The following PTPRD variants were observed in gnomAD, a reference collection of about 807,000 sequenced individuals.
PTPRD encodes the protein protein tyrosine phosphatase receptor type D, also known as receptor-type tyrosine-protein phosphatase delta.
A neutral mutation model predicts 214.5 loss-of-function variants in PTPRD; 34 were observed. The observed-to-expected ratio is 0.16, with a 90% CI of 0.12 to 0.21. The LOEUF (loss-of-function observed/expected upper bound fraction) is 0.21. Among genes scored for constraint, PTPRD ranks in the 10% least tolerant of loss-of-function variants. PTPRD has a pLI of 1.00. For synonymous variants in PTPRD, 1,128 were observed against 845.7 expected, an observed-to-expected ratio of 1.33 and a Z score of -5.79; for missense variants, 2,545 against 2,398.7, an observed-to-expected ratio of 1.06 and a Z score of -1.27.
At chr9:9,262,910 C>T (rs896707877) in intron 9 of PTPRD, among the ~76,000 whole-genome samples, 2 of 151,576 alleles carry the variant, frequency 1.3e-5, no homozygotes, top group Non-Finnish European at 3.0e-5. Flanking sequence ...ATTCATCTTA[C>T]TTAGAGTTCC....
At chr9:9,849,192 G>T (rs984734762) in intron 5 of PTPRD, among the ~76,000 whole-genome samples, 1 of 151,864 alleles carries the variant, frequency 6.6e-6, no homozygotes, top group African/African-American at 2.4e-5. Context: ...TGGTTCCCTG[G>T]GCTACTCACA....
At chr9:9,498,445 A>C (rs2096279083) in intron 8 of PTPRD, among the ~76,000 whole-genome samples, 1 of 152,130 alleles carries the variant, frequency 6.6e-6, no homozygotes, top group Non-Finnish European at 1.5e-5. Context: ...TTTAGATTTG[A>C]TAAATTATCA....
chr9:9,684,048 T>C (rs1005099474), intron 7 of PTPRD, among the ~76,000 whole-genome samples: 3 of 151,616 alleles, frequency 2.0e-5, no homozygotes, highest in African/African-American at 7.3e-5. Context: ...GGGAACTGTT[T>C]TCACAATTTT....
chr9:9,584,903 A>AT (rs1306203935), intron 7 of PTPRD, among the ~76,000 whole-genome samples: 4 of 151,558 alleles, frequency 2.6e-5, no homozygotes, highest in Admixed American at 1.3e-4. Flanking sequence ...GATTTGCAAC[A>AT]TTTTTTTTCA....
At chr9:9,765,558 C>G (rs1297142499) in intron 6 of PTPRD, among the ~76,000 whole-genome samples, 1 of 152,114 alleles carries the variant, frequency 6.6e-6, no homozygotes, top group Non-Finnish European at 1.5e-5. Context: ...TTAGAGAAAC[C>G]CTTGTCAGAC....
chr9:9,496,834 A>G (rs1231928006), intron 8 of PTPRD, among the ~76,000 whole-genome samples: 1 of 152,224 alleles, frequency 6.6e-6, no homozygotes, highest in Non-Finnish European at 1.5e-5. Context: ...CAGTAGCTAA[A>G]ATGTGGCAGC....
intron 2 of PTPRD, among the ~76,000 whole-genome samples, chr9:10,342,487 G>A (rs963757549): frequency 6.6e-6 from 1 of 151,860 alleles, no homozygotes; most frequent in African/African-American, 2.4e-5. Flanking sequence ...AATCTTTGTA[G>A]CAATAGAAAA....
chr9:8,580,559 A>G (rs764005547), intron 14 of PTPRD, among the ~76,000 whole-genome samples: 3 of 152,204 alleles, frequency 2.0e-5, no homozygotes, highest in Non-Finnish European at 2.9e-5. Context: ...GATAGTCTGA[A>G]CTATCAGGGA....
At chr9:9,643,972 T>C (rs10816156) in intron 7 of PTPRD, among the ~76,000 whole-genome samples, 51,883 of 152,050 alleles carry the variant, frequency 0.34, 9,108 homozygotes, top group Admixed American at 0.47. Context: ...CAAATTCTAC[T>C]GTCTGCTTAG....
intron 2 of PTPRD, among the ~76,000 whole-genome samples, chr9:10,543,491 CACACACACACACACAA>C (rs1424157950): frequency 1.3e-5 from 2 of 151,200 alleles, no homozygotes; most frequent in East Asian, 1.9e-4. Flanking sequence ...CACACACACA[CACACACACACACACAA>C]ACACACACAC....
At chr9:10,604,719 C>G (rs757772426) in intron 2 of PTPRD, among the ~76,000 whole-genome samples, 3 of 151,720 alleles carry the variant, frequency 2.0e-5, no homozygotes, top group Non-Finnish European at 4.4e-5. Context: ...TTCTTACACA[C>G]TAAAATTATA....
chr9:10,303,953 A>C (rs773397319), intron 3 of PTPRD, among the ~76,000 whole-genome samples: 6 of 152,140 alleles, frequency 3.9e-5, no homozygotes, highest in Non-Finnish European at 7.3e-5. Flanking sequence ...CGGAAGAGAC[A>C]CAACAAAAAA....
chr9:10,120,664 AT>A (rs1263913879), intron 3 of PTPRD, among the ~76,000 whole-genome samples: 1 of 69,554 alleles, frequency 1.4e-5, no homozygotes, highest in Non-Finnish European at 3.6e-5. Flanking sequence ...TATTATATAA[AT>A]TTTGAAAAAA....
chr9:10,049,412 AAAGAAAGAAAG>A (rs2097481813), intron 3 of PTPRD, among the ~76,000 whole-genome samples: 3 of 80,292 alleles, frequency 3.7e-5, no homozygotes, highest in Admixed American at 1.2e-4. Flanking sequence ...AAAAAAAAAG[AAAGAAAGAAAG>A]AAAGAAAGAA....
chr9:8,793,643 G>A (rs538819935), intron 11 of PTPRD, among the ~76,000 whole-genome samples: 1 of 152,174 alleles, frequency 6.6e-6, no homozygotes, highest in Non-Finnish European at 1.5e-5. Flanking sequence ...CCTGCATTCA[G>A]AACACTTTTG....
intron 11 of PTPRD, among the ~76,000 whole-genome samples, chr9:8,812,113 G>C (rs2154523033): frequency 1.3e-5 from 2 of 152,166 alleles, no homozygotes; most frequent in South Asian, 4.1e-4. Context: ...AAACAAAAGA[G>C]AAAAAATAAG....
rs749242026 is a variant in PTPRD, at chr9:8,341,203, G to A, written c.5013C>T (p.Phe1671=). Residue 1671 remains phenylalanine, a synonymous_variant, in exon 41 of 46, where the codon TTC becomes TTT. Transcript: ENST00000381196. ...GCATAATATTAACAAGGCGATTTTTGAATTTATTACATGGAAGATTGGCAC... is the reference window on the plus strand; with the variant it reads ...GCATAATATTAACAAGGCGATTTTTAAATTTATTACATGGAAGATTGGCAC... ...FISANLPCNK[F]KNRLVNIMPY... is the part of the protein sequence containing the mutation. 1 of 1,612,246 alleles carries A rather than the reference G, an allele frequency of 6.2e-7. No homozygotes were observed. Among genetic ancestry groups the A allele is most frequent in the Middle Eastern group, 1.7e-4 (1 of 6,048 alleles).
chr9:8,554,526 A>C (rs2083129744), intron 14 of PTPRD, among the ~76,000 whole-genome samples: 1 of 152,182 alleles, frequency 6.6e-6, no homozygotes, highest in Non-Finnish European at 1.5e-5. Context: ...ATCACCCCAT[A>C]AAAAGAAGAA....
At chr9:10,312,807 T>G (rs2096303617) in intron 3 of PTPRD, among the ~76,000 whole-genome samples, 1 of 151,980 alleles carries the variant, frequency 6.6e-6, no homozygotes, top group South Asian at 2.1e-4. Flanking sequence ...AGAGAAATTT[T>G]GTTGTATTTG....
Sources: allele counts gnomAD v4.1 joint callset (sites outside exome capture counted in the v4.1 genomes callset), GRCh38; gene constraint gnomAD v4.1.1; transcripts MANE v1.5; gene names NCBI Gene and HGNC (gene_info 2026-07-23, HGNC 2026-07-21).